The following CTNND2 variants were observed in gnomAD, a reference collection of about 807,000 sequenced individuals.
CTNND2 encodes the protein catenin delta-2.
CTNND2 carries 22 observed loss-of-function variants against 144.4 expected under a neutral mutation model. That is an observed-to-expected ratio of 0.15 (90% CI 0.11 to 0.22). The LOEUF (loss-of-function observed/expected upper bound fraction) is 0.22, where lower values mean the gene tolerates loss of function less well. Ranked by LOEUF, CTNND2 falls within the 10% of genes least tolerant of loss-of-function variation. CTNND2 has a pLI of 1.00. For synonymous variants in CTNND2, 751 were observed against 695.6 expected (o/e 1.08, Z -1.25); for missense variants, 1,353 against 1,618.8 (o/e 0.84, Z 2.82).
At chr5:11,167,140 G>A (rs903064903) in intron 11 of CTNND2, among the ~76,000 whole-genome samples, 2 of 152,148 alleles carry the variant, frequency 1.3e-5, no homozygotes, top group African/African-American at 4.8e-5. Context: ...CATCATTCTA[G>A]GCTGAGTCTC....
intron 2 of CTNND2, among the ~76,000 whole-genome samples, chr5:11,720,529 C>T (rs1204965775): frequency 6.6e-6 from 1 of 152,090 alleles, no homozygotes; most frequent in East Asian, 1.9e-4. Flanking sequence ...GCTCCTACAG[C>T]CCCCCTTCCT....
intron 9 of CTNND2, among the ~76,000 whole-genome samples, chr5:11,299,889 A>G (rs1283424316): frequency 3.3e-5 from 5 of 152,214 alleles, no homozygotes; most frequent in Non-Finnish European, 5.9e-5. Context: ...AAAGGCAGGT[A>G]GCACCAGTGT....
chr5:11,247,919 T>C (rs1026686684), intron 9 of CTNND2, among the ~76,000 whole-genome samples: 1 of 152,138 alleles, frequency 6.6e-6, no homozygotes, highest in Admixed American at 6.5e-5. Context: ...AAAAATATGC[T>C]ACAAAATGGA....
intron 11 of CTNND2, among the ~76,000 whole-genome samples, chr5:11,174,104 T>G (rs1384714729): frequency 6.6e-6 from 1 of 152,076 alleles, no homozygotes; most frequent in Admixed American, 6.5e-5. Context: ...CGTTCTGGCC[T>G]TGAGCACAGA....
chr5:11,231,099 C>G (rs1343430509), intron 10 of CTNND2, among the ~76,000 whole-genome samples: 2 of 152,160 alleles, frequency 1.3e-5, no homozygotes, highest in Non-Finnish European at 2.9e-5. Context: ...CTCACGAGAT[C>G]TGAGCATCTG....
chr5:11,901,126 G>A (rs1357651399), intron 1 of CTNND2, among the ~76,000 whole-genome samples: 1 of 152,044 alleles, frequency 6.6e-6, no homozygotes, highest in Non-Finnish European at 1.5e-5. Flanking sequence ...TGACCCTATG[G>A]ACAAATTACA....
intron 2 of CTNND2, among the ~76,000 whole-genome samples, chr5:11,724,097 A>G (rs1292132054): frequency 6.6e-6 from 1 of 152,154 alleles, no homozygotes; most frequent in Non-Finnish European, 1.5e-5. Context: ...ATTAATTATT[A>G]CCAGTAGTAA....
At chr5:11,580,343 G>C (rs1037889125) in intron 2 of CTNND2, among the ~76,000 whole-genome samples, 2 of 152,146 alleles carry the variant, frequency 1.3e-5, no homozygotes, top group Non-Finnish European at 2.9e-5. Context: ...TTTATGTAAA[G>C]AATGAATACA....
intron 2 of CTNND2, among the ~76,000 whole-genome samples, chr5:11,578,435 G>A (rs1218844217): frequency 6.6e-6 from 1 of 152,002 alleles, no homozygotes; most frequent in African/African-American, 2.4e-5. Context: ...GGCTGAGAAG[G>A]GCAGATCACG....
intron 1 of CTNND2, among the ~76,000 whole-genome samples, chr5:11,845,320 A>T (rs1794683093): frequency 6.6e-6 from 1 of 151,986 alleles, no homozygotes; most frequent in African/African-American, 2.4e-5. Flanking sequence ...AATCTCATCT[A>T]CTCCATGGTG....
intron 1 of CTNND2, among the ~76,000 whole-genome samples, chr5:11,806,914 T>C (rs1347627695): frequency 1.3e-5 from 2 of 152,154 alleles, no homozygotes; most frequent in Non-Finnish European, 2.9e-5. Context: ...AGTGCACTGC[T>C]AGTAGTAATT....
intron 3 of CTNND2, among the ~76,000 whole-genome samples, chr5:11,479,568 T>C (rs1768057279): frequency 1.3e-5 from 2 of 152,306 alleles, no homozygotes; most frequent in South Asian, 2.1e-4. Context: ...CTTTGATGAA[T>C]TGCCACACTG....
intron 3 of CTNND2, among the ~76,000 whole-genome samples, chr5:11,430,422 T>TA (rs5865939): frequency 0.044 from 5,591 of 127,018 alleles, 151 homozygotes; most frequent in Non-Finnish European, 0.063. Context: ...ATGACTTGAT[T>TA]AAAAAAAAAA....
At chr5:11,406,811 C>T (rs575070660) in intron 5 of CTNND2, among the ~76,000 whole-genome samples, 15 of 147,134 alleles carry the variant, frequency 1.0e-4, no homozygotes, top group Non-Finnish European at 2.1e-4. Context: ...GATTTGAAAA[C>T]TTATAATAAT....
chr5:11,205,210 C>T (rs547457628), intron 10 of CTNND2, among the ~76,000 whole-genome samples: 5 of 152,144 alleles, frequency 3.3e-5, no homozygotes, highest in East Asian at 1.9e-4. Flanking sequence ...ATCATATATA[C>T]ACACATACAC....
intron 16 of CTNND2, among the ~76,000 whole-genome samples, chr5:11,059,949 G>A (rs1018062842): frequency 2.0e-5 from 3 of 152,020 alleles, no homozygotes; most frequent in African/African-American, 7.3e-5. Flanking sequence ...GCTTATCTAG[G>A]ATTTGAAGAA....
At chr5:11,631,069 TATA>T (rs1360028730) in intron 2 of CTNND2, among the ~76,000 whole-genome samples, 3 of 152,170 alleles carry the variant, frequency 2.0e-5, no homozygotes, top group African/African-American at 7.2e-5. Flanking sequence ...GATGTAGTAA[TATA>T]ATGTCACTTT....
Position 11,699,653 on chromosome 5 carries a change from C to T in CTNND2, c.174+32483G>A, listed in dbSNP as rs991638229. Among the ~76,000 whole-genome samples, 8 of 152,094 alleles carry T rather than the reference C, an allele frequency of 5.3e-5. No homozygotes were observed. In the East Asian group the frequency reaches 5.8e-4, roughly 11 times the overall value. ...TAAAGGACAAGAACATAAAGAGAAG[C>T]CTCCAAAAATACTGTAGCCCAACTC... On this transcript the variant is annotated intron_variant, in intron 2 of 21. Transcript: ENST00000304623.
chr5:11,107,389 G>A (rs887054669), intron 14 of CTNND2, among the ~76,000 whole-genome samples: 1 of 152,180 alleles, frequency 6.6e-6, no homozygotes, highest in African/African-American at 2.4e-5. Context: ...TATGCATGCT[G>A]TTTATTTAGC....
Sources: allele counts gnomAD v4.1 joint callset (sites outside exome capture counted in the v4.1 genomes callset), GRCh38; gene constraint gnomAD v4.1.1; transcripts MANE v1.5; gene names NCBI Gene and HGNC (gene_info 2026-07-23, HGNC 2026-07-21).